MED27: variants seen among roughly 807,000 people sequenced by gnomAD.
The protein encoded by MED27 is mediator complex subunit 27.
In MED27, 30 loss-of-function variants were observed where a neutral mutation model predicts 38.2. That is an observed-to-expected ratio of 0.79 (90% CI 0.59 to 1.07). The LOEUF (loss-of-function observed/expected upper bound fraction) is 1.07. MED27 is among the 50% of genes least tolerant of loss of function. MED27 has a pLI of 0.00. For missense variants in MED27, 289 were observed against 397.5 expected, an observed-to-expected ratio of 0.73 and a Z score of 2.32; for synonymous variants, 122 against 153.5, an observed-to-expected ratio of 0.79 and a Z score of 1.52.
At chr9:132,027,961 G>A (rs1306069838) in intron 2 of MED27, among the ~76,000 whole-genome samples, 3 of 152,172 alleles carry the variant, frequency 2.0e-5, no homozygotes, top group African/African-American at 2.4e-5. Context: ...TCAACTGCTG[G>A]CAGTCACCGG....
chr9:132,060,056 T>C (rs1833664320), intron 2 of MED27, among the ~76,000 whole-genome samples: 1 of 152,200 alleles, frequency 6.6e-6, no homozygotes, highest in South Asian at 2.1e-4. Context: ...ACTGCAGAGC[T>C]TGGACTTGAT....
At chr9:132,067,204 A>G (rs143383066) in intron 2 of MED27, among the ~76,000 whole-genome samples, 1 of 152,350 alleles carries the variant, frequency 6.6e-6, no homozygotes, top group East Asian at 1.9e-4. Context: ...TTCCAGTTAG[A>G]TGCTTAGAAC....
chr9:132,002,461 T>C (rs1832257552), intron 3 of MED27, among the ~76,000 whole-genome samples: 1 of 152,200 alleles, frequency 6.6e-6, no homozygotes, highest in Non-Finnish European at 1.5e-5. Context: ...CTCATGTTAC[T>C]GAGGTCACTG....
At chr9:131,912,400 C>A (rs970287058) in intron 4 of MED27, among the ~76,000 whole-genome samples, 2 of 152,280 alleles carry the variant, frequency 1.3e-5, no homozygotes, top group South Asian at 4.1e-4. Flanking sequence ...ACATTAGTAT[C>A]AGGAAAAAAA....
chr9:131,947,391 T>C (rs1233447336), intron 3 of MED27, among the ~76,000 whole-genome samples: 1 of 152,170 alleles, frequency 6.6e-6, no homozygotes, highest in African/African-American at 2.4e-5. Flanking sequence ...CAAAACCTTC[T>C]AAAGAAACAC....
At chr9:131,980,745 T>TA (rs1045517842) in intron 3 of MED27, among the ~76,000 whole-genome samples, 80 of 141,268 alleles carry the variant, frequency 5.7e-4, no homozygotes, top group Middle Eastern at 7.1e-3. Flanking sequence ...TAGTCCCATT[T>TA]AAAAAAAAAA....
Position 131,919,763 on chromosome 9 carries a change from C to T in MED27, c.573+19618G>A, listed in dbSNP as rs541333567. Among the ~76,000 whole-genome samples, 3 of 151,572 alleles carry T rather than the reference C, an allele frequency of 2.0e-5. No homozygotes were observed. The East Asian group carries it at 5.8e-4, about 29-fold the overall frequency. On this transcript the variant is annotated intron_variant, in intron 4 of 7. Coordinates refer to ENST00000292035, the MANE Select transcript of MED27 (RefSeq NM_004269.4). ...CATGAATTTTATACTTGAAAGGAAA[C>T]TTTATACTGTAAATTGTAATTCTAA...
chr9:131,873,287 A>G (rs1004238281), intron 6 of MED27, among the ~76,000 whole-genome samples: 2 of 152,184 alleles, frequency 1.3e-5, no homozygotes, highest in East Asian at 3.8e-4. Context: ...TCGATGAAGA[A>G]TATTTAAAAC....
Position 131,883,801 on chromosome 9 carries a change from A to G in MED27, c.723+257T>C, listed in dbSNP as rs1839089287. Among the ~76,000 whole-genome samples, 1 of 152,078 alleles carries G rather than the reference A, an allele frequency of 6.6e-6. No individual in the cohort carries two copies. Among genetic ancestry groups the G allele is most frequent in the Admixed American group, 6.6e-5 (1 of 15,264 alleles). On this transcript the variant is annotated intron_variant, in intron 6 of 7. Coordinates refer to ENST00000292035, the MANE Select transcript of MED27 (RefSeq NM_004269.4). The surrounding 1 kb of genome is among the most constrained non-coding windows in gnomAD (Gnocchi z 4.2). ...CACAATTAAGATAAAGAATATTCCC[A>G]CCACCCCACACTCCCTTGTGCCCCT... is the stretch of plus-strand genomic sequence containing the variant.
rs1056298725 is a variant in MED27, at chr9:131,884,086, G to A, written c.695C>T (p.Ser232Phe). The A allele has an allele frequency of 3.1e-6, 5 of 1,610,702 alleles. No homozygotes were observed. The highest frequency in any genetic ancestry group is 1.3e-5 in the African/African-American group (1 of 74,810). Reference protein sequence around the residue: ...YTEDGKLDIWSKSNYQVFQKV... With the variant: ...YTEDGKLDIWFKSNYQVFQKV... ...CTGGAATACTTGATAGTTGGATTTG[G>A]ACCATATATCAAGCTGAGGGGAAAG... is the stretch of plus-strand genomic sequence containing the variant. Residue 232 changes from serine (S) to phenylalanine (F), a missense_variant, in exon 6 of 8, where the codon TCC becomes TTC. Physicochemically the swap from Ser to Phe is radical, Grantham distance 155. Transcript: ENST00000292035.
At chr9:131,905,726 A>G (rs1589198458) in intron 4 of MED27, among the ~76,000 whole-genome samples, 1 of 36,472 alleles carries the variant, frequency 2.7e-5, no homozygotes, top group Admixed American at 3.1e-4. Context: ...AAAAAAAAAA[A>G]ACAGAAAAAG....
intron 3 of MED27, among the ~76,000 whole-genome samples, chr9:132,011,689 T>G (rs746832048): frequency 6.6e-6 from 1 of 151,328 alleles, no homozygotes; most frequent in Non-Finnish European, 1.5e-5. Flanking sequence ...AAAAGGGGAG[T>G]TGGGGAGGCA....
At chr9:132,069,567 C>T (rs1232266341) in intron 2 of MED27, among the ~76,000 whole-genome samples, 1 of 152,216 alleles carries the variant, frequency 6.6e-6, no homozygotes, top group Admixed American at 6.5e-5. Flanking sequence ...TGCTGCTCCA[C>T]TCTGGGATAT....
rs931931071 is a variant in MED27, at chr9:132,076,032, C to A, written c.348+1410G>T. On this transcript the variant is annotated intron_variant, in intron 2 of 7. Coordinates refer to ENST00000292035, the MANE Select transcript of MED27 (RefSeq NM_004269.4). ...TTTGGGCCAGAATCCTTTTTCAGAG[C>A]CTGACATGGACACTGGGAGGTCACC... 6.6e-5 allele frequency among the ~76,000 whole-genome samples: 10 copies of A among 152,120 alleles called. 1 individual carries two copies. Among genetic ancestry groups the A allele is most frequent in the Admixed American group, 5.9e-4 (9 of 15,252 alleles).
At chr9:131,980,333 T>A (rs1589247323) in intron 3 of MED27, among the ~76,000 whole-genome samples, 1 of 152,006 alleles carries the variant, frequency 6.6e-6, no homozygotes, top group Non-Finnish European at 1.5e-5. Flanking sequence ...CCAGGCAAAA[T>A]TTTTCCTCAC....
chr9:131,893,458 G>A (rs968602445), intron 5 of MED27, among the ~76,000 whole-genome samples: 1 of 152,146 alleles, frequency 6.6e-6, no homozygotes, highest in African/African-American at 2.4e-5. Flanking sequence ...CACTTCCTAA[G>A]GGCGACTTGT....
chr9:131,976,437 A>G (rs1428549245), intron 3 of MED27, among the ~76,000 whole-genome samples: 2 of 152,200 alleles, frequency 1.3e-5, no homozygotes, highest in Admixed American at 6.5e-5. Flanking sequence ...AAAAACAGTC[A>G]CTGGGCAGTG....
intron 3 of MED27, among the ~76,000 whole-genome samples, chr9:131,958,227 A>G (rs952311822): frequency 6.6e-5 from 10 of 151,712 alleles, no homozygotes; most frequent in Admixed American, 2.0e-4. Context: ...TATTAATAGG[A>G]TGAGAGTCAA....
intron 4 of MED27, among the ~76,000 whole-genome samples, chr9:131,926,248 C>T (rs1830481413): frequency 6.6e-6 from 1 of 152,218 alleles, no homozygotes; most frequent in Non-Finnish European, 1.5e-5. Flanking sequence ...GCCTTTATCT[C>T]CAGGGGCTCA....
Sources: gnomAD v4.1 joint callset for allele counts (sites outside exome capture counted in the v4.1 genomes callset) on GRCh38, gnomAD v4.1.1 for gene constraint, Gnocchi (gnomAD v3.1) non-coding constraint, MANE v1.5 for transcripts, NCBI Gene and HGNC (gene_info 2026-07-23, HGNC 2026-07-21) for gene names.